The following SDK1 variants were observed in gnomAD, a reference collection of about 807,000 sequenced individuals.
SDK1 encodes the protein sidekick cell adhesion molecule 1.
SDK1 carries 157 observed loss-of-function variants against 245.5 expected under a neutral mutation model. The observed-to-expected ratio is 0.64, with a 90% CI of 0.56 to 0.73. The LOEUF is 0.73. Among genes scored for constraint, SDK1 ranks in the 30% least tolerant of loss-of-function variants. SDK1 has a pLI of 0.00. For missense variants in SDK1, 3,583 were observed against 3,002.3 expected (o/e 1.19, Z -4.52); for synonymous variants, 1,647 against 1,278.5 (o/e 1.29, Z -6.15).
intron 1 of SDK1, among the ~76,000 whole-genome samples, chr7:3,327,756 C>T (rs1331843174): frequency 1.3e-5 from 2 of 152,086 alleles, no homozygotes; most frequent in African/African-American, 4.8e-5. Context: ...TGTGAATATT[C>T]ATACATTTCT....
chr7:3,398,768 G>GTTTTTTTTTTTTTTTTT (rs35147042), intron 1 of SDK1, among the ~76,000 whole-genome samples: 1 of 136,974 alleles, frequency 7.3e-6, no homozygotes, highest in Non-Finnish European at 1.6e-5. Flanking sequence ...GCCCCCAGTA[G>GTTTTTTTTTTTTTTTTT]TTTTTTTTTT....
rs561562740 is a variant in SDK1, at chr7:4,265,333, C to T, written c.6591C>T (p.Pro2197=). 19 of 1,479,614 alleles carry T rather than the reference C, an allele frequency of 1.3e-5. No individual in the cohort carries two copies. The highest frequency in any genetic ancestry group is 2.4e-4 in the Middle Eastern group (1 of 4,202). 91.7% of individuals were successfully genotyped at this position (1,479,614 alleles called of 1,614,324 possible). ...AGAGCGCGGGCGGCGTCTACACCCC[C>T]GCTGGCCCCGGCGCGCGAACTCCGC... ...TTQSAGGVYT[P]AGPGARTPLT... The change falls in exon 45 of 45, where the codon CCC becomes CCT. Residue 2197 remains proline (P), a synonymous_variant. Coordinates refer to ENST00000404826, the MANE Select transcript of SDK1 (RefSeq NM_152744.4).
At chr7:3,567,393 C>G (rs938425421) in intron 1 of SDK1, among the ~76,000 whole-genome samples, 1 of 152,020 alleles carries the variant, frequency 6.6e-6, no homozygotes, top group South Asian at 2.1e-4. Context: ...TCCTAGAAGC[C>G]GAAGCACTGA....
intron 1 of SDK1, among the ~76,000 whole-genome samples, chr7:3,517,744 AC>A (rs1388679399): frequency 6.6e-6 from 1 of 152,134 alleles, no homozygotes; most frequent in Non-Finnish European, 1.5e-5. Context: ...TTGTATTGCC[AC>A]TAGTGCTTCC....
intron 1 of SDK1, among the ~76,000 whole-genome samples, chr7:3,581,617 A>C (rs1327533168): frequency 1.3e-5 from 2 of 152,174 alleles, no homozygotes; most frequent in Non-Finnish European, 2.9e-5. Context: ...AAACAGAACT[A>C]CCATTCAACC....
At chr7:3,943,966 A>G (rs1431482663) in intron 5 of SDK1, among the ~76,000 whole-genome samples, 1 of 152,212 alleles carries the variant, frequency 6.6e-6, no homozygotes. Context: ...ACTTCTGCAG[A>G]AATCCTCCTT....
At chr7:4,216,968 AGGCC>A (rs1784832182) in intron 38 of SDK1, among the ~76,000 whole-genome samples, 5 of 150,516 alleles carry the variant, frequency 3.3e-5, no homozygotes, top group African/African-American at 1.2e-4. Flanking sequence ...CCAGAGCACC[AGGCC>A]ACCCGGAGCA....
chr7:4,161,083 A>C (rs564154890), intron 31 of SDK1, among the ~76,000 whole-genome samples: 2 of 152,130 alleles, frequency 1.3e-5, no homozygotes, highest in African/African-American at 4.8e-5. Context: ...GTTCAGCTCA[A>C]TATGCCAAGA....
At chr7:3,818,818 T>G (rs1270722603) in intron 4 of SDK1, among the ~76,000 whole-genome samples, 1 of 152,186 alleles carries the variant, frequency 6.6e-6, no homozygotes, top group East Asian at 1.9e-4. Flanking sequence ...GAAGGTCATT[T>G]CTATCATGGC....
intron 4 of SDK1, among the ~76,000 whole-genome samples, chr7:3,759,284 G>T (rs1395413146): frequency 6.6e-6 from 1 of 152,134 alleles, no homozygotes. Context: ...ATAGAAAGTG[G>T]GAATGTTTAA....
chr7:3,957,185 T>A (rs901351299), intron 7 of SDK1, among the ~76,000 whole-genome samples: 1 of 152,122 alleles, frequency 6.6e-6, no homozygotes, highest in African/African-American at 2.4e-5. Context: ...TTTGGGGTGC[T>A]CCTGGTCATG....
chr7:4,202,671 T>A (rs1427321422), intron 35 of SDK1, among the ~76,000 whole-genome samples: 1 of 152,242 alleles, frequency 6.6e-6, no homozygotes, highest in African/African-American at 2.4e-5. Flanking sequence ...TCATTCTCCC[T>A]GCAGAGTTAA....
At chr7:3,421,994 G>C (rs1350543535) in intron 1 of SDK1, among the ~76,000 whole-genome samples, 1 of 152,166 alleles carries the variant, frequency 6.6e-6, no homozygotes. Flanking sequence ...GTAAAGCATA[G>C]TTGATGAGAG....
chr7:3,471,906 G>C (rs1480712822), intron 1 of SDK1, among the ~76,000 whole-genome samples: 1 of 152,118 alleles, frequency 6.6e-6, no homozygotes, highest in South Asian at 2.1e-4. Flanking sequence ...TTGATTTTGA[G>C]GAAAGGTTTA....
intron 5 of SDK1, among the ~76,000 whole-genome samples, chr7:3,851,909 C>T (rs1408640240): frequency 6.6e-6 from 1 of 152,216 alleles, no homozygotes; most frequent in South Asian, 2.1e-4. Context: ...CAGATTTTGA[C>T]AAATAAGAGA....
At chr7:3,664,370 G>A (rs561737421) in intron 4 of SDK1, among the ~76,000 whole-genome samples, 21 of 152,164 alleles carry the variant, frequency 1.4e-4, no homozygotes, top group African/African-American at 5.1e-4. Flanking sequence ...CAAGAAACTC[G>A]AATCTGTGTA....
At chr7:3,610,439 C>T (rs530641144) in intron 1 of SDK1, among the ~76,000 whole-genome samples, 1 of 152,162 alleles carries the variant, frequency 6.6e-6, no homozygotes, top group Admixed American at 6.5e-5. Flanking sequence ...TACTTTTTCA[C>T]TACAAACCAT....
At chr7:4,252,288 ATGAG>A (rs988103026) in intron 44 of SDK1, among the ~76,000 whole-genome samples, 1 of 143,102 alleles carries the variant, frequency 7.0e-6, no homozygotes, top group African/African-American at 2.6e-5. Context: ...ATTCCCACCT[ATGAG>A]TGAGAACATG....
intron 4 of SDK1, among the ~76,000 whole-genome samples, chr7:3,781,821 A>G (rs1385442637): frequency 1.3e-5 from 2 of 152,218 alleles, no homozygotes; most frequent in African/African-American, 2.4e-5. Context: ...CGAGCAGAAG[A>G]AAGAATTAGT....
Sources: allele counts gnomAD v4.1 joint callset (sites outside exome capture counted in the v4.1 genomes callset), GRCh38; gene constraint gnomAD v4.1.1; transcripts MANE v1.5; gene names NCBI Gene and HGNC (gene_info 2026-07-23, HGNC 2026-07-21).